NOX4: variants seen among roughly 807,000 people sequenced by gnomAD.
The protein encoded by NOX4 is kidney oxidase-1.
NOX4 carries 69 observed loss-of-function variants against 87.6 expected under a neutral mutation model. The observed-to-expected ratio is 0.79, with a 90% CI of 0.65 to 0.96. The LOEUF is 0.96. Ranked by LOEUF, NOX4 falls within the 40% of genes least tolerant of loss-of-function variation. The pLI is 0.00. For missense variants in NOX4, 680 were observed against 681.5 expected (o/e 1.00, Z 0.02); for synonymous variants, 275 against 238.2 (o/e 1.15, Z -1.42).
chr11:89,574,647 A>G, the NOX4 span, among the ~76,000 whole-genome samples: 1 of 152,214 alleles, frequency 6.6e-6, no homozygotes. Context: ...TCTAAGAATT[A>G]TCTTATTTTC....
intron 11 of NOX4, among the ~76,000 whole-genome samples, chr11:89,385,775 T>G (rs1325315514): frequency 6.6e-6 from 1 of 152,060 alleles, no homozygotes; most frequent in East Asian, 1.9e-4. Flanking sequence ...ATGACCCGAG[T>G]CAGGAAACTA....
At position 89,385,828 on chromosome 11, in the gene NOX4, G is replaced by C. The variant is rs915858904; in HGVS notation, c.1075-12336C>G. Among the ~76,000 whole-genome samples the C allele has an allele frequency of 2.0e-5, 3 of 152,144 alleles. No homozygotes were observed. In the South Asian group the frequency reaches 6.2e-4, roughly 32 times the overall value. Reference sequence around the variant, plus strand: ...GGTAGACACTTTCATTGGATGGATAGAGGCCTTTCCCACAGGGTCTGAGAA... The same window carrying C: ...GGTAGACACTTTCATTGGATGGATACAGGCCTTTCCCACAGGGTCTGAGAA... On this transcript the variant is annotated intron_variant, in intron 11 of 17. Transcript: ENST00000263317.
At chr11:89,453,486 C>T (rs944018148) in intron 2 of NOX4, among the ~76,000 whole-genome samples, 4 of 152,170 alleles carry the variant, frequency 2.6e-5, no homozygotes, top group Non-Finnish European at 5.9e-5. Context: ...TGATAGCTAA[C>T]TTAAAGCATT....
At chr11:89,518,326 C>T in the NOX4 span, among the ~76,000 whole-genome samples, 1 of 151,298 alleles carries the variant, frequency 6.6e-6, no homozygotes, top group Non-Finnish European at 1.5e-5. Flanking sequence ...AAAAAATGAC[C>T]ACAGGAATTC....
chr11:89,421,604 A>T (rs570827886), intron 8 of NOX4, among the ~76,000 whole-genome samples: 3 of 152,214 alleles, frequency 2.0e-5, no homozygotes, highest in African/African-American at 4.8e-5. Context: ...TCATTCTTAA[A>T]TTTTTTCATT....
intron 2 of NOX4, among the ~76,000 whole-genome samples, chr11:89,486,537 T>C (rs931729036): frequency 7.4e-6 from 1 of 135,398 alleles, no homozygotes; most frequent in Non-Finnish European, 1.6e-5. Context: ...TGTGTATATA[T>C]ACATATATGT....
the NOX4 span, among the ~76,000 whole-genome samples, chr11:89,553,597 A>G: frequency 6.6e-6 from 1 of 152,168 alleles, no homozygotes; most frequent in Non-Finnish European, 1.5e-5. Context: ...AATCTTTCCT[A>G]TAAAAGTAGT....
At chr11:89,389,016 T>C (rs1170882764) in intron 11 of NOX4, among the ~76,000 whole-genome samples, 2 of 152,210 alleles carry the variant, frequency 1.3e-5, no homozygotes, top group Non-Finnish European at 2.9e-5. Context: ...ACAGTCATAA[T>C]ACTAGGAAGT....
At chr11:89,569,873 G>A in the NOX4 span, among the ~76,000 whole-genome samples, 1 of 151,788 alleles carries the variant, frequency 6.6e-6, no homozygotes. Flanking sequence ...GTGGTGGCGG[G>A]CGCCTGTAAT....
chr11:89,557,808 A>T, the NOX4 span, among the ~76,000 whole-genome samples: 1 of 152,126 alleles, frequency 6.6e-6, no homozygotes, highest in African/African-American at 2.4e-5. Context: ...AGGGTAAATG[A>T]CTCTCTGTTA....
At chr11:89,573,811 A>T in the NOX4 span, among the ~76,000 whole-genome samples, 2 of 152,192 alleles carry the variant, frequency 1.3e-5, no homozygotes, top group African/African-American at 4.8e-5. Flanking sequence ...GTAGGCTGGC[A>T]TCTTATGCCC....
the NOX4 span, among the ~76,000 whole-genome samples, chr11:89,515,731 A>G: frequency 6.6e-6 from 1 of 151,944 alleles, no homozygotes; most frequent in African/African-American, 2.4e-5. Context: ...ATTTTTATGT[A>G]TGGCATGGGA....
At chr11:89,471,023 T>G in intron 2 of NOX4, among the ~76,000 whole-genome samples, 1 of 152,238 alleles carries the variant, frequency 6.6e-6, no homozygotes, top group East Asian at 1.9e-4. Context: ...GAAGAAAGTG[T>G]CCGAGTGTCA....
At chr11:89,471,884 G>C (rs889143889) in intron 2 of NOX4, among the ~76,000 whole-genome samples, 16 of 152,136 alleles carry the variant, frequency 1.1e-4, no homozygotes, top group African/African-American at 3.9e-4. Flanking sequence ...TTGGATTACA[G>C]GTGCATAGCA....
the NOX4 span, among the ~76,000 whole-genome samples, chr11:89,561,556 T>C: frequency 6.6e-6 from 1 of 152,240 alleles, no homozygotes; most frequent in Non-Finnish European, 1.5e-5. Context: ...TGTTAAGTTA[T>C]ATTCAGCAAG....
intron 12 of NOX4, among the ~76,000 whole-genome samples, chr11:89,360,275 A>G (rs1014007029): frequency 3.9e-5 from 6 of 152,100 alleles, no homozygotes; most frequent in African/African-American, 1.4e-4. Context: ...TCACTCATAC[A>G]GTCTGCAGTA....
chr11:89,554,976 T>G, the NOX4 span, among the ~76,000 whole-genome samples: 1 of 152,142 alleles, frequency 6.6e-6, no homozygotes, highest in East Asian at 1.9e-4. Flanking sequence ...GAATAACTAG[T>G]ATACTTTTAA....
chr11:89,412,505 G>A (rs1159700974), intron 8 of NOX4, among the ~76,000 whole-genome samples: 6 of 151,958 alleles, frequency 3.9e-5, no homozygotes, highest in African/African-American at 9.7e-5. Context: ...TCAATAAGAG[G>A]AATTTTGGAA....
At chr11:89,362,569 G>A (rs1399105508) in intron 12 of NOX4, among the ~76,000 whole-genome samples, 2 of 151,748 alleles carry the variant, frequency 1.3e-5, no homozygotes, top group Non-Finnish European at 2.9e-5. Context: ...AGATTTGTTT[G>A]AATTTTAGTT....
Sources: allele counts gnomAD v4.1 joint callset (sites outside exome capture counted in the v4.1 genomes callset), GRCh38; gene constraint gnomAD v4.1.1; transcripts MANE v1.5; gene names NCBI Gene and HGNC (gene_info 2026-07-23, HGNC 2026-07-21).